The following SLC47A1 variants were observed in gnomAD, a reference collection of about 807,000 sequenced individuals.
The protein encoded by SLC47A1 is solute carrier family 47 member 1.
Under a neutral mutation model 65.8 loss-of-function variants are expected in SLC47A1, and 58 were observed. That is an observed-to-expected ratio of 0.88 (90% confidence interval 0.71 to 1.10). SLC47A1 has a LOEUF of 1.10. Ranked by LOEUF, SLC47A1 falls within the 50% of genes least tolerant of loss-of-function variation. The pLI is 0.00. For missense variants in SLC47A1, 706 were observed against 719.2 expected (o/e 0.98, Z 0.21); for synonymous variants, 285 against 295.0 (o/e 0.97, Z 0.35).
intron 2 of SLC47A1, among the ~76,000 whole-genome samples, chr17:19,543,364 C>G (rs1163582344): frequency 1.3e-5 from 2 of 152,146 alleles, no homozygotes; most frequent in Non-Finnish European, 2.9e-5. Flanking sequence ...CCCGCCTCGG[C>G]CTCCCAAAGT....
At chr17:19,575,253 A>C (rs2084430721) in intron 16 of SLC47A1, among the ~76,000 whole-genome samples, 1 of 152,058 alleles carries the variant, frequency 6.6e-6, no homozygotes, top group Non-Finnish European at 1.5e-5. Flanking sequence ...ATTTTCTTTC[A>C]GAACTCTGAG....
At chr17:19,549,469 C>T (rs1395838524) in intron 4 of SLC47A1, among the ~76,000 whole-genome samples, 166 bp from the exon 5 acceptor site, 2 of 152,148 alleles carry the variant, frequency 1.3e-5, no homozygotes, top group Non-Finnish European at 2.9e-5. Flanking sequence ...GCTGGGATTA[C>T]AGGCGTGAGC....
intron 13 of SLC47A1, 39 bp downstream of exon 13, chr17:19,566,898 T>A: frequency 6.2e-7 from 1 of 1,607,970 alleles, no homozygotes; most frequent in Non-Finnish European, 8.5e-7. Flanking sequence ...ACTGTTATGA[T>A]CTTCTGATGG....
chr17:19,549,615 T>C lies in SLC47A1; in HGVS notation c.456-20T>C. The C allele has an allele frequency of 6.2e-7, 1 of 1,613,580 alleles. No homozygotes were observed. Among genetic ancestry groups the C allele is most frequent in the Non-Finnish European group, 8.5e-7 (1 of 1,179,826 alleles). The stretch of plus-strand genomic sequence containing the variant: ...GGCCTCCATCACAGTTTTTGTTTTC[T>C]TTTTCTTTTCGTTATTTAGGCTTAC... On this transcript the variant is annotated intron_variant, in intron 4 of 16. Coordinates refer to ENST00000270570, the MANE Select transcript of SLC47A1 (RefSeq NM_018242.3).
intron 2 of SLC47A1, among the ~76,000 whole-genome samples, chr17:19,544,804 C>G (rs1039295960): frequency 1.3e-5 from 2 of 152,180 alleles, no homozygotes; most frequent in Non-Finnish European, 2.9e-5. Flanking sequence ...AAAGAGAAAG[C>G]CTGGGTAATC....
chr17:19,567,249 G>A (rs569242494), intron 14 of SLC47A1, 21 bp downstream of exon 14: 8 of 1,613,826 alleles, frequency 5.0e-6, no homozygotes, highest in Non-Finnish European at 6.8e-6. Context: ...ACCTCTGCAG[G>A]CAGGGCTTAG....
At chr17:19,539,278 A>G (rs1916074164) in intron 1 of SLC47A1, among the ~76,000 whole-genome samples, 1 of 152,226 alleles carries the variant, frequency 6.6e-6, no homozygotes, top group East Asian at 1.9e-4. Context: ...TGTTCTTCAG[A>G]CAGCAGCTGC....
chr17:19,538,836 C>T (rs1273207686), intron 1 of SLC47A1, among the ~76,000 whole-genome samples: 5 of 152,244 alleles, frequency 3.3e-5, no homozygotes, highest in East Asian at 3.9e-4. Context: ...AGCTGCCAGG[C>T]GCTGAAGGTC....
At chr17:19,575,200 T>G (rs1288220539) in intron 16 of SLC47A1, among the ~76,000 whole-genome samples, 1 of 150,878 alleles carries the variant, frequency 6.6e-6, no homozygotes, top group Non-Finnish European at 1.5e-5. Context: ...CCTTCCAAAG[T>G]GCTGGGATTA....
intron 10 of SLC47A1, among the ~76,000 whole-genome samples, chr17:19,559,750 C>G (rs2084292456): frequency 6.6e-6 from 1 of 152,086 alleles, no homozygotes; most frequent in Non-Finnish European, 1.5e-5. Flanking sequence ...CCAGGCTGGT[C>G]TCAAACTCCT....
intron 15 of SLC47A1, among the ~76,000 whole-genome samples, chr17:19,572,285 C>T (rs982346044): frequency 1.3e-5 from 2 of 152,060 alleles, no homozygotes; most frequent in Non-Finnish European, 2.9e-5. Context: ...GACCCCATTT[C>T]AGCCTTTTCT....
intron 4 of SLC47A1, among the ~76,000 whole-genome samples, chr17:19,548,499 C>CTT (rs11341022): frequency 2.4e-5 from 3 of 123,454 alleles, no homozygotes; most frequent in Non-Finnish European, 5.0e-5. Context: ...CAAGATTTTT[C>CTT]TTTTTTTTTT....
chr17:19,567,069 C>T (rs2084363988), intron 13 of SLC47A1, 27 bp from the exon 14 acceptor site: 9 of 1,614,092 alleles, frequency 5.6e-6, no homozygotes, highest in Non-Finnish European at 5.1e-6. Context: ...GATGTGTTCA[C>T]AGTGATGGAA....
chr17:19,557,374 T>C (rs2057369777), intron 10 of SLC47A1: 2 of 169,978 alleles, frequency 1.2e-5, no homozygotes, highest in Non-Finnish European at 2.6e-5. Context: ...TCATTAACTA[T>C]ATCTAAGTCA....
At position 19,549,630 on chromosome 17, in the gene SLC47A1, T is replaced by A. The variant is rs763274225; in HGVS notation, c.456-5T>A. The A allele has an allele frequency of 6.2e-7, 1 of 1,614,124 alleles. No homozygotes were observed. Among genetic ancestry groups the A allele is most frequent in the South Asian group, 1.1e-5 (1 of 91,086 alleles). ...TTTTGTTTTCTTTTTCTTTTCGTTA[T>A]TTAGGCTTACCCAGACCTATGTCAC... is the stretch of plus-strand genomic sequence containing the variant. On this transcript the variant is annotated splice_region_variant and splice_polypyrimidine_tract_variant and intron_variant, in intron 4 of 16. Coordinates refer to ENST00000270570, the MANE Select transcript of SLC47A1 (RefSeq NM_018242.3).
rs766485211 is a variant in SLC47A1 at position 19,547,990 on chromosome 17, C to A, written c.312C>A (p.Tyr104Ter). ...TTTGGCTGTGTGCACCCCAGACGTACGGGAGCCAGAACCTGAAGCACGTGG... is the reference window on the plus strand; with the variant it reads ...TTTGGCTGTGTGCACCCCAGACGTAAGGGAGCCAGAACCTGAAGCACGTGG... The part of the protein sequence containing the change: ...SACDTLISQT[Y>*]GSQNLKHVGV... Residue 104 changes from tyrosine to a stop codon, truncating the protein, a stop_gained, in exon 4 of 17, where the codon TAC becomes TAA. Coordinates refer to ENST00000270570, the MANE Select transcript of SLC47A1 (RefSeq NM_018242.3). LOFTEE classifies it high-confidence loss of function. The A allele has an allele frequency of 1.9e-6, 3 of 1,611,730 alleles. No homozygotes were observed. The highest frequency in any genetic ancestry group is 2.5e-6 in the Non-Finnish European group (3 of 1,178,434).
In SLC47A1 at chr17:19,542,501, G is replaced by A. The variant is rs1159558460; in HGVS notation, c.237+7G>A. The A allele has an allele frequency of 1.9e-6, 3 of 1,601,936 alleles. No individual in the cohort carries two copies. Among genetic ancestry groups the A allele is most frequent in the South Asian group, 2.3e-5 (2 of 88,862 alleles). On this transcript the variant is annotated splice_region_variant and intron_variant, in intron 2 of 16. Transcript: ENST00000270570. ...AGTCACGCTGGCAATCGCGGTACGT[G>A]TGGGCTTTCTGGCAGGTTTACCAAC...
chr17:19,557,940 C>T (rs992102400), intron 10 of SLC47A1: 33 of 218,056 alleles, frequency 1.5e-4, no homozygotes, highest in African/African-American at 6.8e-4. Flanking sequence ...AACAAAGGTA[C>T]GATTTTATGT....
intron 3 of SLC47A1, 90 bp from the exon 4 acceptor site, chr17:19,547,895 T>C (rs777617142): frequency 2.9e-5 from 41 of 1,435,984 alleles, no homozygotes; most frequent in Non-Finnish European, 3.6e-5. Flanking sequence ...GCCAACCTGC[T>C]TCTTTGTGTG....
Sources: gnomAD v4.1 joint callset for allele counts (sites outside exome capture counted in the v4.1 genomes callset) on GRCh38, gnomAD v4.1.1 for gene constraint, MANE v1.5 for transcripts, NCBI Gene and HGNC (gene_info 2026-07-23, HGNC 2026-07-21) for gene names.